Variants in HLCS observed in about 807,000 individuals in gnomAD.
The protein encoded by HLCS is biotin--protein ligase.
In HLCS, 53 loss-of-function variants were observed where a neutral mutation model predicts 75.0. The ratio of observed to expected loss-of-function variants is 0.71; its 90% CI spans 0.57 to 0.89. The LOEUF (loss-of-function observed/expected upper bound fraction) is 0.89. Among genes scored for constraint, HLCS ranks in the 40% least tolerant of loss-of-function variants. HLCS has a pLI of 0.00. For synonymous variants in HLCS, 431 were observed against 428.6 expected (o/e 1.01, Z -0.07); for missense variants, 966 against 1,074.0 (o/e 0.90, Z 1.41).
rs1448642416 is a variant in HLCS, at chr21:36,888,443, AAAATATATATATATATAT to A, written c.1892+8399_1892+8416del. 1.3e-3 allele frequency among the ~76,000 whole-genome samples: 38 copies of A among 28,302 alleles called. 1 individual carries two copies. Among genetic ancestry groups the A allele is most frequent in the East Asian group, 8.5e-3 (7 of 820 alleles). The allele number at this position is 28,302 out of a possible 152,430, so 18.6% of individuals were successfully genotyped here. A position where few individuals can be genotyped will look rare whatever the true frequency, so the allele number is the denominator to read the frequency against. Reference sequence around the variant, plus strand: ...GCCCCCTTCCCATTTAAAAAAAAAAAAAATATATATATATATATATATATATATATATATATATATATA... The same window carrying A: ...GCCCCCTTCCCATTTAAAAAAAAAAAATATATATATATATATATATATATA... On this transcript the variant is annotated intron_variant, in intron 6 of 10. Coordinates refer to ENST00000674895, the MANE Select transcript of HLCS (RefSeq NM_001352514.2).
At chr21:36,882,936 C>G (rs1315279160) in intron 6 of HLCS, among the ~76,000 whole-genome samples, 1 of 152,150 alleles carries the variant, frequency 6.6e-6, no homozygotes, top group Non-Finnish European at 1.5e-5. Flanking sequence ...CTTCCACAAC[C>G]AGGGAAAATC....
At position 36,921,706 on chromosome 21, in the gene HLCS, G is replaced by T. The variant is rs146148448; in HGVS notation, c.1620+8545C>A. 4.0e-3 allele frequency among the ~76,000 whole-genome samples: 602 copies of T among 152,222 alleles called. 5 individuals carry two copies. Among genetic ancestry groups the T allele is most frequent in the African/African-American group, 0.014 (578 of 41,526 alleles). On this transcript the variant is annotated intron_variant, in intron 5 of 10. Coordinates refer to ENST00000674895, the MANE Select transcript of HLCS (RefSeq NM_001352514.2). ...GAATCTCAGCCTCGGAGGCGCAGCA[G>T]CACAGTGCCAAAGCAGCCCTCCTCT...
Position 36,936,774 on chromosome 21 carries a change from G to A in HLCS, c.1112C>T (p.Ser371Phe). Residue 371 changes from serine (S) to phenylalanine (F), a missense_variant, in exon 4 of 11, where the codon TCC becomes TTC. Ser to Phe is a radical substitution (Grantham distance 155, BLOSUM62 -2). Coordinates refer to ENST00000674895, the MANE Select transcript of HLCS (RefSeq NM_001352514.2). Reference sequence around the variant, plus strand: ...CTTCTGGTACAGGTCTTCGGGAATGGACTCCCTGGTAGCAATGACCAACAG... The same window carrying A: ...CTTCTGGTACAGGTCTTCGGGAATGAACTCCCTGGTAGCAATGACCAACAG... ...CLLLVIATRE[S>F]IPEDLYQKFM... 6.2e-7 allele frequency: 1 copy of A among 1,614,176 alleles called. No individual in the cohort carries two copies. Among genetic ancestry groups the A allele is most frequent in the East Asian group, 2.2e-5 (1 of 44,884 alleles).
chr21:36,830,280 C>T (rs1008154413), intron 6 of HLCS, among the ~76,000 whole-genome samples: 2 of 152,220 alleles, frequency 1.3e-5, no homozygotes, highest in Admixed American at 1.3e-4. Context: ...GTTGTTGAAG[C>T]TACCCCAGGC....
At chr21:36,906,237 A>G (rs2065449286) in intron 5 of HLCS, among the ~76,000 whole-genome samples, 1 of 152,204 alleles carries the variant, frequency 6.6e-6, no homozygotes, top group Non-Finnish European at 1.5e-5. Context: ...TGAATTAAAA[A>G]TTAAAGATGT....
chr21:36,944,415 GT>G (rs2067287178), intron 2 of HLCS, among the ~76,000 whole-genome samples: 1 of 152,192 alleles, frequency 6.6e-6, no homozygotes, highest in African/African-American at 2.4e-5. Flanking sequence ...TGATGGTAAT[GT>G]TTCATGTCTT....
intron 6 of HLCS, among the ~76,000 whole-genome samples, chr21:36,859,878 G>C (rs1469097051): frequency 6.6e-6 from 1 of 152,220 alleles, no homozygotes; most frequent in African/African-American, 2.4e-5. Flanking sequence ...CAAGGAGATG[G>C]GGAAGAAGAC....
chr21:36,791,145 G>T (rs1000814032), intron 6 of HLCS, among the ~76,000 whole-genome samples: 8 of 152,116 alleles, frequency 5.3e-5, no homozygotes, highest in Non-Finnish European at 1.0e-4. Flanking sequence ...TGCTCACCGT[G>T]CCTCAGGTAA....
At position 36,930,449 on chromosome 21, in the gene HLCS, A is replaced by T. The variant is rs1326448889; in HGVS notation, c.1438-16T>A. On this transcript the variant is annotated splice_polypyrimidine_tract_variant and intron_variant, in intron 4 of 10. Coordinates refer to ENST00000674895, the MANE Select transcript of HLCS (RefSeq NM_001352514.2). The stretch of plus-strand genomic sequence containing the variant: ...CTAAGTGCACCTGAAGGGGAAAGAT[A>T]GCACTATGTAAACTGAGGGCACTCA... 2 of 1,608,120 alleles carry T rather than the reference A, an allele frequency of 1.2e-6. No homozygotes were observed. The highest frequency in any genetic ancestry group is 2.2e-5 in the East Asian group (1 of 44,874).
intron 1 of HLCS, among the ~76,000 whole-genome samples, chr21:36,979,428 T>C (rs549160179): frequency 6.6e-6 from 1 of 152,318 alleles, no homozygotes; most frequent in Admixed American, 6.5e-5. Context: ...CCATGGGAAC[T>C]AGCTCCTTTG....
chr21:36,755,099 T>C (rs1269241354), intron 10 of HLCS, among the ~76,000 whole-genome samples: 1 of 152,056 alleles, frequency 6.6e-6, no homozygotes, highest in Non-Finnish European at 1.5e-5. Flanking sequence ...TCCTGCAACA[T>C]ATAAAGATAA....
intron 6 of HLCS, among the ~76,000 whole-genome samples, chr21:36,772,661 A>G (rs938497151): frequency 6.8e-6 from 1 of 147,484 alleles, no homozygotes; most frequent in African/African-American, 2.5e-5. Flanking sequence ...AAAAAAAAAG[A>G]AGGACACATA....
chr21:36,820,122 G>A (rs1362634670), intron 6 of HLCS, among the ~76,000 whole-genome samples: 2 of 152,196 alleles, frequency 1.3e-5, no homozygotes, highest in South Asian at 2.1e-4. Flanking sequence ...CTTGGCCATC[G>A]GGAATGAGGC....
At chr21:36,841,824 A>G (rs1194956936) in intron 6 of HLCS, among the ~76,000 whole-genome samples, 1 of 152,184 alleles carries the variant, frequency 6.6e-6, no homozygotes, top group East Asian at 1.9e-4. Flanking sequence ...AATGCTTGTC[A>G]TTGATAACAC....
chr21:36,784,471 A>T (rs969220895), intron 6 of HLCS, among the ~76,000 whole-genome samples: 2 of 151,982 alleles, frequency 1.3e-5, no homozygotes, highest in African/African-American at 4.8e-5. Context: ...ATGTGCCACC[A>T]TGCTTGGCTA....
chr21:36,958,450 T>C (rs886602044), intron 2 of HLCS, among the ~76,000 whole-genome samples: 2 of 152,172 alleles, frequency 1.3e-5, no homozygotes, highest in Admixed American at 6.5e-5. Context: ...CTAGAAAGGA[T>C]AGAAGCATTG....
chr21:36,939,093 C>T, intron 2 of HLCS, 99 bp from the exon 3 acceptor site: 1 of 1,075,380 alleles, frequency 9.3e-7, no homozygotes, highest in Non-Finnish European at 1.3e-6. Flanking sequence ...GAGGCTCCTA[C>T]CACTAAATTA....
chr21:36,940,462 C>T (rs1461212743), intron 2 of HLCS, among the ~76,000 whole-genome samples: 2 of 152,184 alleles, frequency 1.3e-5, no homozygotes, highest in African/African-American at 2.4e-5. Context: ...CAGGCTCGGG[C>T]CACCACACTG....
chr21:36,865,183 C>G (rs1022253193), intron 6 of HLCS, among the ~76,000 whole-genome samples: 1 of 151,722 alleles, frequency 6.6e-6, no homozygotes, highest in African/African-American at 2.4e-5. Flanking sequence ...TCTGCTCGGG[C>G]GGATCAATCT....
Sources: gnomAD v4.1 joint callset for allele counts (sites outside exome capture counted in the v4.1 genomes callset) on GRCh38, gnomAD v4.1.1 for gene constraint, MANE v1.5 for transcripts, NCBI Gene and HGNC (gene_info 2026-07-23, HGNC 2026-07-21) for gene names.